The following DNAJC13 variants were observed in gnomAD, a reference collection of about 807,000 sequenced individuals.
DNAJC13 encodes the protein dnaJ homolog subfamily C member 13.
A neutral mutation model predicts 290.5 loss-of-function variants in DNAJC13; 75 were observed. That is an observed-to-expected ratio of 0.26 (90% CI 0.21 to 0.31). The LOEUF (loss-of-function observed/expected upper bound fraction) is 0.31, where lower values mean the gene tolerates loss of function less well. DNAJC13 is among the 10% of genes least tolerant of loss of function. The probability of loss-of-function intolerance (pLI) is 1.00; values close to 1 mark genes in which losing one functional copy is unlikely to be tolerated. For synonymous variants in DNAJC13, 862 were observed against 892.0 expected (o/e 0.97, Z 0.60); for missense variants, 2,260 against 2,674.5 (o/e 0.85, Z 3.42).
intron 2 of DNAJC13, among the ~76,000 whole-genome samples, chr3:132,444,586 G>C (rs368630625): frequency 6.6e-6 from 1 of 152,164 alleles, no homozygotes; most frequent in Non-Finnish European, 1.5e-5. Context: ...AACAAATTCT[G>C]TAGTTTTATT....
chr3:132,512,701 T>A (rs963391116), intron 44 of DNAJC13, among the ~76,000 whole-genome samples: 2 of 152,186 alleles, frequency 1.3e-5, no homozygotes, highest in Non-Finnish European at 2.9e-5. Context: ...AGAGTGAAAT[T>A]ACTACCTTAC....
rs1933485420 is a variant in DNAJC13, at chr3:132,453,454, A to G, written c.694A>G (p.Ile232Val). The change falls in exon 7 of 56, where the codon ATC becomes GTC. Residue 232 changes from isoleucine (I) to valine (V), a missense_variant. This residue lies in a region of DNAJC13 where 762 missense variants were observed against 964.1 expected (regional missense o/e 0.79). Transcript: ENST00000260818. ...TGGAAAATACAGCACTGATGAATCCATCACATCTTTAGCAGAGTTTGTAGT... is the reference window on the plus strand; with the variant it reads ...TGGAAAATACAGCACTGATGAATCCGTCACATCTTTAGCAGAGTTTGTAGT... ...RFGKYSTDES[I>V]TSLAEFVVQK... 1 of 1,613,996 alleles carries G rather than the reference A, an allele frequency of 6.2e-7. No individual in the cohort carries two copies. Among genetic ancestry groups the G allele is most frequent in the South Asian group, 1.1e-5 (1 of 91,088 alleles).
At chr3:132,473,106 G>T (rs1411406665) in intron 20 of DNAJC13, 39 bp from the exon 21 acceptor site, 2 of 1,380,286 alleles carry the variant, frequency 1.4e-6, no homozygotes, top group South Asian at 1.2e-5. Flanking sequence ...CTATTTGGTA[G>T]CCCCAGATTG....
At chr3:132,535,104 TCTAA>T (rs1311366884) in intron 55 of DNAJC13, among the ~76,000 whole-genome samples, 2 of 152,250 alleles carry the variant, frequency 1.3e-5, no homozygotes, top group Non-Finnish European at 2.9e-5. Flanking sequence ...AACCCTTTCT[TCTAA>T]CTGATATCTT....
chr3:132,470,188 C>G (rs1320497777), intron 20 of DNAJC13, among the ~76,000 whole-genome samples: 1 of 71,518 alleles, frequency 1.4e-5, no homozygotes, highest in African/African-American at 6.1e-5. Flanking sequence ...GGTGATGACT[C>G]TTAACGAGCA....
At chr3:132,431,258 CCT>C (rs1270629193) in intron 1 of DNAJC13, among the ~76,000 whole-genome samples, 1 of 152,108 alleles carries the variant, frequency 6.6e-6, no homozygotes, top group African/African-American at 2.4e-5. Context: ...GACAAAACTA[CCT>C]CTCTCTGGAT....
chr3:132,536,641 G>A (rs2107761253), intron 55 of DNAJC13, among the ~76,000 whole-genome samples: 1 of 152,272 alleles, frequency 6.6e-6, no homozygotes, highest in Middle Eastern at 3.4e-3. Context: ...GACACCTACT[G>A]GATGGTTTTG....
chr3:132,437,381 A>G (rs530826655), intron 2 of DNAJC13, among the ~76,000 whole-genome samples: 43 of 152,270 alleles, frequency 2.8e-4, no homozygotes, highest in African/African-American at 1.0e-3. Flanking sequence ...TTCTTTTGCC[A>G]TTTGTGCTTT....
At chr3:132,475,536 G>C (rs1342930928) in intron 22 of DNAJC13, among the ~76,000 whole-genome samples, 1 of 152,104 alleles carries the variant, frequency 6.6e-6, no homozygotes, top group Non-Finnish European at 1.5e-5. Flanking sequence ...GATGGTGGTA[G>C]TAGGTAATTT....
At chr3:132,465,602 G>T (rs1476987751) in intron 17 of DNAJC13, among the ~76,000 whole-genome samples, 1 of 152,022 alleles carries the variant, frequency 6.6e-6, no homozygotes, top group Non-Finnish European at 1.5e-5. Context: ...ACTTCTGCTT[G>T]TTCAGAATTC....
rs1939331020 is a variant in DNAJC13, at chr3:132,434,610, G to A, written c.60G>A (p.Trp20Ter). The A allele has an allele frequency of 6.2e-7, 1 of 1,605,722 alleles. No individual in the cohort carries two copies. The highest frequency in any genetic ancestry group is 8.5e-7 in the Non-Finnish European group (1 of 1,177,230). ...LACFYTTKHS[W>*]RGKYKRVFSV... Reference sequence around the variant, plus strand: ...GTTTCTACACAACAAAACATTCATGGAGGGGGAAGTAAGTATTCTTGTTGG... The same window carrying A: ...GTTTCTACACAACAAAACATTCATGAAGGGGGAAGTAAGTATTCTTGTTGG... Residue 20 changes from tryptophan (W) to a stop codon, truncating the protein, a stop_gained, in exon 2 of 56, where the codon TGG becomes TGA. Transcript: ENST00000260818. LOFTEE classifies it high-confidence loss of function.
chr3:132,534,192 G>A (rs2107758365), intron 55 of DNAJC13, among the ~76,000 whole-genome samples: 1 of 152,262 alleles, frequency 6.6e-6, no homozygotes, highest in Middle Eastern at 3.4e-3. Flanking sequence ...TCTTCCAGAA[G>A]GCCATTACTG....
At chr3:132,479,363 T>C in intron 25 of DNAJC13, 74 bp downstream of exon 25, 1 of 1,059,942 alleles carries the variant, frequency 9.4e-7, no homozygotes. Flanking sequence ...ACAGTTTGAG[T>C]TGATTATCCA....
chr3:132,531,145 T>C (rs1936403079), intron 55 of DNAJC13, 48 bp downstream of exon 55: 2 of 1,519,590 alleles, frequency 1.3e-6, no homozygotes, highest in African/African-American at 2.7e-5. Flanking sequence ...CAGAAGCCAC[T>C]TGGACCTTCC....
intron 48 of DNAJC13, among the ~76,000 whole-genome samples, chr3:132,521,612 GC>G (rs1242039616): frequency 6.6e-6 from 1 of 152,190 alleles, no homozygotes; most frequent in Non-Finnish European, 1.5e-5. Flanking sequence ...GTGAGAATGA[GC>G]TACTAGGGGC....
chr3:132,503,102 G>C, intron 40 of DNAJC13, 112 bp from the exon 41 acceptor site: 1 of 1,160,106 alleles, frequency 8.6e-7, no homozygotes, highest in Non-Finnish European at 1.2e-6. Context: ...CCTTTTGTTG[G>C]TTGACTTTTT....
At chr3:132,475,567 T>C (rs1428589452) in intron 22 of DNAJC13, among the ~76,000 whole-genome samples, 1 of 152,170 alleles carries the variant, frequency 6.6e-6, no homozygotes, top group Non-Finnish European at 1.5e-5. Context: ...GGTGTATATA[T>C]AGTTGAAGTA....
chr3:132,530,921 G>T, intron 54 of DNAJC13, 77 bp from the exon 55 acceptor site: 1 of 1,289,686 alleles, frequency 7.8e-7, no homozygotes, highest in Non-Finnish European at 1.1e-6. Flanking sequence ...TTGTTGCTTT[G>T]GAAGTTGGTT....
At chr3:132,465,603 T>C (rs996399923) in intron 17 of DNAJC13, among the ~76,000 whole-genome samples, 1 of 152,156 alleles carries the variant, frequency 6.6e-6, no homozygotes, top group African/African-American at 2.4e-5. Context: ...CTTCTGCTTG[T>C]TCAGAATTCC....
Sources: allele counts gnomAD v4.1 joint callset (sites outside exome capture counted in the v4.1 genomes callset), GRCh38; gene constraint gnomAD v4.1.1; regional missense constraint gnomAD v4.1.1; transcripts MANE v1.5; gene names NCBI Gene and HGNC (gene_info 2026-07-23, HGNC 2026-07-21).